TMC2: variants seen among roughly 807,000 people sequenced by gnomAD.
The protein encoded by TMC2 is transmembrane channel-like protein 2.
A neutral mutation model predicts 105.9 loss-of-function variants in TMC2; 102 were observed. That is an observed-to-expected ratio of 0.96 (90% confidence interval 0.82 to 1.14). The LOEUF (loss-of-function observed/expected upper bound fraction) is 1.14, where lower values mean the gene tolerates loss of function less well. TMC2 is among the 50% of genes most tolerant of loss of function. The pLI, the probability that TMC2 is intolerant of heterozygous loss-of-function variation, is 0.00. For missense variants in TMC2, 1,093 were observed against 1,134.3 expected (o/e 0.96, Z 0.52); for synonymous variants, 402 against 422.8 (o/e 0.95, Z 0.60).
At chr20:2,561,278 A>G (rs1418641809) in intron 3 of TMC2, among the ~76,000 whole-genome samples, 1 of 152,254 alleles carries the variant, frequency 6.6e-6, no homozygotes, top group Admixed American at 6.5e-5. Context: ...TCTTTTAAGT[A>G]TGTCTAAAAC....
chr20:2,623,044 C>T (rs1317971272), intron 16 of TMC2, among the ~76,000 whole-genome samples: 2 of 152,060 alleles, frequency 1.3e-5, no homozygotes, highest in African/African-American at 4.8e-5. Flanking sequence ...ATAGAACTTA[C>T]TGTAATGATG....
Position 2,597,237 on chromosome 20 carries a change from A to T in TMC2, c.1163A>T (p.Tyr388Phe), listed in dbSNP as rs1230668936. The T allele has an allele frequency of 2.5e-6, 4 of 1,614,104 alleles. No homozygotes were observed. Among genetic ancestry groups the T allele is most frequent in the Non-Finnish European group, 3.4e-6 (4 of 1,179,988 alleles). ...TTCAAGATGTTCACCAGCTGGGACTACCTGATCGGGAATTCAGAGACAGCT... is the reference window on the plus strand; with the variant it reads ...TTCAAGATGTTCACCAGCTGGGACTTCCTGATCGGGAATTCAGAGACAGCT... ...FSFKMFTSWD[Y>F]LIGNSETADN... The change falls in exon 10 of 20, where the codon TAC becomes TTC. Residue 388 changes from tyrosine (Y) to phenylalanine (F), a missense_variant. Transcript: ENST00000358864.
intron 10 of TMC2, among the ~76,000 whole-genome samples, chr20:2,601,630 CAGG>C (rs1014051103): frequency 2.0e-5 from 3 of 152,124 alleles, no homozygotes; most frequent in African/African-American, 7.2e-5. Context: ...CACCTAAGGT[CAGG>C]AGATCGAGAC....
rs772419400 is a variant in TMC2 at position 2,612,273 on chromosome 20, TC to T, written c.1681del (p.Arg561AspfsTer24). On this transcript the variant is annotated frameshift_variant, in exon 13 of 20. Transcript: ENST00000358864. LOFTEE classifies it high-confidence loss of function. ...AACTCTTCTGGTTGGAACGAGAGTG[TC>T]CCCCGACCACCCCTGCACCCTGCAG... is the stretch of plus-strand genomic sequence containing the variant. ...YYNSSGWNES[V>X]PRPPLHPADV... The T allele has an allele frequency of 3.1e-6, 5 of 1,612,568 alleles. No homozygotes were observed. Among genetic ancestry groups the T allele is most frequent in the South Asian group, 2.2e-5 (2 of 90,528 alleles).
At chr20:2,555,590 G>A (rs1380790925) in intron 2 of TMC2, among the ~76,000 whole-genome samples, 1 of 152,030 alleles carries the variant, frequency 6.6e-6, no homozygotes, top group African/African-American at 2.4e-5. Flanking sequence ...TCCATTCTCT[G>A]ACAATCCCTT....
chr20:2,536,621 C>A lies in TMC2; in HGVS notation c.-1C>A. 6.4e-7 allele frequency: 1 copy of A among 1,572,538 alleles called. No homozygotes were observed. The highest frequency in any genetic ancestry group is 1.2e-5 in the South Asian group (1 of 85,332). On this transcript the variant is annotated 5_prime_UTR_variant, in exon 1 of 20. Coordinates refer to ENST00000358864, the MANE Select transcript of TMC2 (RefSeq NM_080751.3). The stretch of plus-strand genomic sequence containing the variant: ...GCAGGACCCCAGCAGTGCTGCTGAC[C>A]ATGAGCCACCAGGTAAAGGGCCTGA...
At chr20:2,549,673 G>A (rs1245866595) in intron 2 of TMC2, among the ~76,000 whole-genome samples, 3 of 152,114 alleles carry the variant, frequency 2.0e-5, no homozygotes, top group African/African-American at 4.8e-5. Context: ...AATTTGGGGG[G>A]CAGATGTTGC....
chr20:2,538,013 TG>T (rs1211995485), intron 2 of TMC2, among the ~76,000 whole-genome samples: 2 of 152,066 alleles, frequency 1.3e-5, no homozygotes, highest in Non-Finnish European at 2.9e-5. Context: ...GATGGGGTTC[TG>T]GGGGGTTGGA....
rs1253032616 is a variant in TMC2 at position 2,589,269 on chromosome 20, CCTGTGTGTGTGTGTGTGTGTGT to C, written c.835-3040_835-3019del. Among the ~76,000 whole-genome samples, 323 of 84,706 alleles carry C rather than the reference CCTGTGTGTGTGTGTGTGTGTGT, an allele frequency of 3.8e-3. 1 individual carries two copies. Among genetic ancestry groups the C allele is most frequent in the Admixed American group, 5.8e-3 (55 of 9,458 alleles). 55.6% of individuals were successfully genotyped at this position (84,706 alleles called of 152,430 possible). A position where few individuals can be genotyped will look rare whatever the true frequency, so the allele number is the denominator to read the frequency against. ...TTTTTCCAGATATCTTCCTATTTGC[CCTGTGTGTGTGTGTGTGTGTGT>C]GTGTGTGTGTGTGTGTGTGTGTGTG... is the stretch of plus-strand genomic sequence containing the variant. On this transcript the variant is annotated intron_variant, in intron 7 of 19. Coordinates refer to ENST00000358864, the MANE Select transcript of TMC2 (RefSeq NM_080751.3).
intron 4 of TMC2, 114 bp downstream of exon 4, chr20:2,562,124 C>T: frequency 1.6e-6 from 2 of 1,279,772 alleles, no homozygotes; most frequent in Non-Finnish European, 1.1e-6. Context: ...GGGGCTGCTC[C>T]AGCGAGGACA....
At chr20:2,606,052 C>G (rs1038921395) in intron 11 of TMC2, among the ~76,000 whole-genome samples, 2 of 152,104 alleles carry the variant, frequency 1.3e-5, no homozygotes, top group Non-Finnish European at 2.9e-5. Context: ...CCTCAGAGAA[C>G]TCCATAAATA....
rs750830664 is a variant in TMC2, at chr20:2,593,461, G to T, written c.933+1053G>T. Reference sequence around the variant, plus strand: ...TCTGGACTGAGTAAGAAAAAGCCACGGAGTTTTTCATCCTTCAAGATTTCA... The same window carrying T: ...TCTGGACTGAGTAAGAAAAAGCCACTGAGTTTTTCATCCTTCAAGATTTCA... On this transcript the variant is annotated intron_variant, in intron 8 of 19. Coordinates refer to ENST00000358864, the MANE Select transcript of TMC2 (RefSeq NM_080751.3). 3.3e-5 allele frequency among the ~76,000 whole-genome samples: 5 copies of T among 152,254 alleles called. No homozygotes were observed. In the East Asian group the frequency reaches 7.7e-4, roughly 24 times the overall value.
chr20:2,579,392 A>T (rs927857645), intron 6 of TMC2, among the ~76,000 whole-genome samples, 165 bp downstream of exon 6: 3 of 135,644 alleles, frequency 2.2e-5, no homozygotes, highest in East Asian at 2.0e-4. Flanking sequence ...TTTTTTATTT[A>T]TTTATTTATT....
At chr20:2,600,123 G>C (rs890527487) in intron 10 of TMC2, among the ~76,000 whole-genome samples, 6 of 152,140 alleles carry the variant, frequency 3.9e-5, no homozygotes, top group African/African-American at 1.4e-4. Flanking sequence ...TTTTCCTCCA[G>C]GATTGTGAGA....
At chr20:2,596,560 G>C (rs1480918349) in intron 9 of TMC2, among the ~76,000 whole-genome samples, 1 of 151,396 alleles carries the variant, frequency 6.6e-6, no homozygotes. Context: ...TTAAACCCGG[G>C]AGGTGGAGGC....
chr20:2,637,649 G>A (rs2086658560), intron 19 of TMC2, 58 bp downstream of exon 19: 1 of 1,216,842 alleles, frequency 8.2e-7, no homozygotes, highest in Admixed American at 1.8e-5. Context: ...GGTGTAAAGA[G>A]CCTATGAAAC....
chr20:2,557,444 A>T (rs2085991651), intron 2 of TMC2, among the ~76,000 whole-genome samples: 1 of 152,102 alleles, frequency 6.6e-6, no homozygotes, highest in African/African-American at 2.4e-5. Context: ...TTAGAGTTTC[A>T]ATCTCTTTGA....
At chr20:2,629,042 C>T (rs1011006175) in intron 17 of TMC2, among the ~76,000 whole-genome samples, 31 of 151,658 alleles carry the variant, frequency 2.0e-4, no homozygotes, top group Non-Finnish European at 3.8e-4. Context: ...GCGGAGCTTG[C>T]AGTGAGCCGA....
chr20:2,566,106 GA>G (rs2086062440), intron 4 of TMC2, among the ~76,000 whole-genome samples: 2 of 152,240 alleles, frequency 1.3e-5, no homozygotes, highest in South Asian at 4.1e-4. Context: ...GGGCAAACCT[GA>G]ATTCACACCT....
Sources: gnomAD v4.1 joint callset for allele counts (sites outside exome capture counted in the v4.1 genomes callset) on GRCh38, gnomAD v4.1.1 for gene constraint, MANE v1.5 for transcripts, NCBI Gene and HGNC (gene_info 2026-07-23, HGNC 2026-07-21) for gene names.